Variants in CRYBG3 observed in about 807,000 individuals in gnomAD.
CRYBG3 encodes the protein very large A-kinase anchor protein.
CRYBG3 carries 127 observed loss-of-function variants against 244.2 expected under a neutral mutation model. That is an observed-to-expected ratio of 0.52 (90% CI 0.45 to 0.60). The LOEUF is 0.60. CRYBG3 is among the 20% of genes least tolerant of loss of function. CRYBG3 has a pLI of 0.00. For synonymous variants in CRYBG3, 1,132 were observed against 1,195.8 expected (o/e 0.95, Z 1.10); for missense variants, 3,325 against 3,442.5 (o/e 0.97, Z 0.85).
At position 97,864,531 on chromosome 3, in the gene CRYBG3, C is replaced by G. The variant is rs1190147937; in HGVS notation, c.531C>G (p.Ser177=). The G allele has an allele frequency of 6.5e-7, 1 of 1,535,698 alleles. No homozygotes were observed. The highest frequency in any genetic ancestry group is 1.4e-5 in the African/African-American group (1 of 72,974). ...GGGAGAGAGAGATTTTCAGTGGCTCCCTAAGAACCCAGACACATCCAACAG... is the reference window on the plus strand; with the variant it reads ...GGGAGAGAGAGATTTTCAGTGGCTCGCTAAGAACCCAGACACATCCAACAG... ...IKREREIFSG[S]LRTQTHPTEE... The change falls in exon 3 of 22, where the codon TCC becomes TCG. Residue 177 remains serine, a synonymous_variant. Coordinates refer to ENST00000389622, the MANE Select transcript of CRYBG3 (RefSeq NM_153605.4).
intron 2 of CRYBG3, among the ~76,000 whole-genome samples, chr3:97,855,558 A>G (rs1412608460): frequency 1.3e-5 from 2 of 152,040 alleles, no homozygotes; most frequent in African/African-American, 4.8e-5. Flanking sequence ...TCTTGCTTCA[A>G]TTTTGGTAGC....
At position 97,874,251 on chromosome 3, in the gene CRYBG3, T is replaced by G. The variant is rs1325477141; in HGVS notation, c.3057T>G (p.Asn1019Lys). Residue 1019 changes from asparagine to lysine, a missense_variant, in exon 4 of 22, where the codon AAT becomes AAG. Around this residue, in one of 4 missense-constraint regions of CRYBG3, gnomAD observed 1,526 missense variants for 1,443.2 expected, o/e 1.06. Coordinates refer to ENST00000389622, the MANE Select transcript of CRYBG3 (RefSeq NM_153605.4). ...ATTCTGATTCCAGTTTGGAAAAAAA[T>G]TCTTCTGCATCTGAGGACTCAAGCT... ...FLDSDSSLEK[N>K]SSASEDSSFL... is the part of the protein sequence containing the mutation. The G allele has an allele frequency of 6.5e-7, 1 of 1,535,068 alleles. No homozygotes were observed. The highest frequency in any genetic ancestry group is 8.7e-7 in the Non-Finnish European group (1 of 1,146,688).
chr3:97,831,521 AT>A (rs2038653763), intron 1 of CRYBG3, among the ~76,000 whole-genome samples: 1 of 152,128 alleles, frequency 6.6e-6, no homozygotes, highest in South Asian at 2.1e-4. Flanking sequence ...AAAGTGCCAT[AT>A]TTTGGGGTAT....
At chr3:97,938,934 T>A (rs150838604) in intron 19 of CRYBG3, among the ~76,000 whole-genome samples, 14 of 152,072 alleles carry the variant, frequency 9.2e-5, no homozygotes, top group African/African-American at 3.4e-4. Flanking sequence ...ACTCCTATCA[T>A]GTGGAACAGG....
chr3:97,892,498 ATTTC>A (rs1262681259), intron 10 of CRYBG3, among the ~76,000 whole-genome samples: 11 of 152,092 alleles, frequency 7.2e-5, no homozygotes, highest in Non-Finnish European at 1.5e-4. Context: ...ATCATTAGTG[ATTTC>A]ACCATTCTTC....
At chr3:97,915,922 T>A (rs1029777103) in intron 17 of CRYBG3, among the ~76,000 whole-genome samples, 186 bp downstream of exon 17, 2 of 152,126 alleles carry the variant, frequency 1.3e-5, no homozygotes, top group African/African-American at 4.8e-5. Context: ...AAATGTAATA[T>A]TCTCCTTTTT....
intron 1 of CRYBG3, among the ~76,000 whole-genome samples, chr3:97,838,531 T>C (rs1482085129): frequency 6.6e-6 from 1 of 152,100 alleles, no homozygotes; most frequent in Non-Finnish European, 1.5e-5. Flanking sequence ...GAAATCTGTT[T>C]GAGAAACATA....
rs11393717 is a variant in CRYBG3, at chr3:97,851,131, C to CAA, written c.216+7888_216+7889dup. On this transcript the variant is annotated intron_variant, in intron 2 of 21. Coordinates refer to ENST00000389622, the MANE Select transcript of CRYBG3 (RefSeq NM_153605.4). ...CTGGGTGACAGAGCGAGACTGTCTC[C>CAA]AAAAAAAAAAAAAAAAAAATTTTAG... 5.9e-3 allele frequency among the ~76,000 whole-genome samples: 558 copies of CAA among 93,974 alleles called. 4 individuals carry two copies. The highest frequency in any genetic ancestry group is 0.014 in the East Asian group (42 of 3,098). The allele number at this position is 93,974 out of a possible 152,430, so 61.7% of individuals were successfully genotyped here. A position where few individuals can be genotyped will look rare whatever the true frequency, so the allele number is the denominator to read the frequency against.
At chr3:97,942,843 G>C (rs1559751833) in intron 21 of CRYBG3, 2 of 214,992 alleles carry the variant, frequency 9.3e-6, no homozygotes, top group South Asian at 2.3e-4. Flanking sequence ...TTTGAATTCA[G>C]CAAGGTCAGG....
chr3:97,927,366 T>C (rs1171093457), intron 17 of CRYBG3, among the ~76,000 whole-genome samples: 3 of 151,974 alleles, frequency 2.0e-5, no homozygotes, highest in Non-Finnish European at 4.4e-5. Flanking sequence ...GCTAGCCATA[T>C]GCATAATATT....
At chr3:97,861,730 T>TTGGCAGACAGATATA (rs2039152581) in intron 2 of CRYBG3, among the ~76,000 whole-genome samples, 1 of 152,138 alleles carries the variant, frequency 6.6e-6, no homozygotes. Context: ...GACAGTCCTG[T>TTGGCAGACAGATATA]TGGCAGACAG....
At chr3:97,939,538 C>A (rs1419349277) in intron 19 of CRYBG3, among the ~76,000 whole-genome samples, 1 of 151,950 alleles carries the variant, frequency 6.6e-6, no homozygotes, top group Admixed American at 6.6e-5. Context: ...AATTACAGAG[C>A]AGTCAGACTA....
In CRYBG3 at chr3:97,843,246, A is replaced by G; in HGVS notation, c.201A>G (p.Ser67=). 1 of 1,496,922 alleles carries G rather than the reference A, an allele frequency of 6.7e-7. No homozygotes were observed. Among genetic ancestry groups the G allele is most frequent in the Non-Finnish European group, 9.0e-7 (1 of 1,115,156 alleles). 92.7% of individuals were successfully genotyped at this position (1,496,922 alleles called of 1,614,324 possible). A position where few individuals can be genotyped will look rare whatever the true frequency, so the allele number is the denominator to read the frequency against. ...STSQKKENVL[S]SEAVKIRQSE... is the part of the protein sequence containing the mutation. ...GTCAGAAAAAGGAAAATGTACTTTC[A>G]TCAGAAGCAGTAAAGGTATAGTTTT... Residue 67 remains serine, a synonymous_variant, in exon 2 of 22, where the codon TCA becomes TCG. Transcript: ENST00000389622.
chr3:97,887,794 T>TG (rs2039526933), intron 8 of CRYBG3, among the ~76,000 whole-genome samples: 2 of 151,926 alleles, frequency 1.3e-5, no homozygotes, highest in East Asian at 3.9e-4. Context: ...AAAACAACTT[T>TG]GGGGTAGGCC....
intron 11 of CRYBG3, among the ~76,000 whole-genome samples, chr3:97,895,378 T>A (rs886760762): frequency 5.3e-5 from 8 of 152,186 alleles, no homozygotes; most frequent in African/African-American, 1.9e-4. Context: ...CACCTGTAAG[T>A]ATTTACAGAT....
chr3:97,895,669 C>G (rs1381056982), intron 11 of CRYBG3, among the ~76,000 whole-genome samples: 1 of 152,164 alleles, frequency 6.6e-6, no homozygotes, highest in Non-Finnish European at 1.5e-5. Flanking sequence ...ACACATTGTT[C>G]TCTGACCAAC....
At chr3:97,823,419 AT>A (rs1232984301) in intron 1 of CRYBG3, among the ~76,000 whole-genome samples, 5 of 152,144 alleles carry the variant, frequency 3.3e-5, no homozygotes, top group Non-Finnish European at 7.3e-5. Flanking sequence ...TTGTGATGTG[AT>A]TTTAGTCGTT....
chr3:97,823,386 C>T (rs2038534020), intron 1 of CRYBG3, among the ~76,000 whole-genome samples: 1 of 152,152 alleles, frequency 6.6e-6, no homozygotes, highest in Admixed American at 6.5e-5. Context: ...TGAGAGTGAG[C>T]CAATTCCATT....
chr3:97,920,049 T>TGTG (rs2039967504), intron 17 of CRYBG3, among the ~76,000 whole-genome samples: 1 of 151,992 alleles, frequency 6.6e-6, no homozygotes, highest in South Asian at 2.1e-4. Flanking sequence ...GGATTACAGG[T>TGTG]ACAAACCACT....
Sources: gnomAD v4.1 joint callset for allele counts (sites outside exome capture counted in the v4.1 genomes callset) on GRCh38, gnomAD v4.1.1 for gene constraint, gnomAD v4.1.1 regional missense constraint, MANE v1.5 for transcripts, NCBI Gene and HGNC (gene_info 2026-07-23, HGNC 2026-07-21) for gene names.